CC2D2B: variants seen among roughly 807,000 people sequenced by gnomAD.
The protein encoded by CC2D2B is protein CC2D2B.
A neutral mutation model predicts 161.2 loss-of-function variants in CC2D2B; 128 were observed. The observed-to-expected ratio is 0.79, with a 90% confidence interval of 0.69 to 0.92. The LOEUF (loss-of-function observed/expected upper bound fraction) is 0.92, where lower values mean the gene tolerates loss of function less well. CC2D2B is among the 40% of genes least tolerant of loss of function. The pLI, the probability that CC2D2B is intolerant of heterozygous loss-of-function variation, is 0.00. For synonymous variants in CC2D2B, 391 were observed against 449.8 expected, an observed-to-expected ratio of 0.87 and a Z score of 1.65; for missense variants, 1,173 against 1,375.1, an observed-to-expected ratio of 0.85 and a Z score of 2.32.
chr10:96,001,079 A>G (rs534025762), intron 24 of CC2D2B, among the ~76,000 whole-genome samples: 14 of 152,312 alleles, frequency 9.2e-5, no homozygotes, highest in Non-Finnish European at 1.9e-4. Flanking sequence ...GGAATAAAAC[A>G]GATATAGACT....
intron 6 of CC2D2B, among the ~76,000 whole-genome samples, chr10:95,930,804 T>A (rs2098548693): frequency 6.6e-6 from 1 of 152,188 alleles, no homozygotes; most frequent in Non-Finnish European, 1.5e-5. Context: ...TTATTGAGGA[T>A]TTTTGCATCG....
chr10:95,919,937 C>A (rs2098523488), intron 2 of CC2D2B: 1 of 151,842 alleles, frequency 6.6e-6, no homozygotes, highest in Non-Finnish European at 1.5e-5. Context: ...TGCTTATGGG[C>A]ACCACTGCAC....
In CC2D2B at chr10:96,012,700, A is replaced by G; in HGVS notation, c.3397A>G (p.Ile1133Val). ...ALNPPQQLLD[I>V]FLHNSNATFD... ...AAATCCACCTCAGCAACTTCTGGAT[A>G]TATTTCTTCACAATTCTAATGCAAC... The change falls in exon 28 of 35, where the codon ATA (isoleucine) becomes GTA (valine). Residue 1133 changes from isoleucine (I) to valine (V), a missense_variant. Coordinates refer to ENST00000646931, the MANE Select transcript of CC2D2B (RefSeq NM_001349008.3). The G allele has an allele frequency of 6.2e-7, 1 of 1,603,248 alleles. No individual in the cohort carries two copies. The highest frequency in any genetic ancestry group is 8.5e-7 in the Non-Finnish European group (1 of 1,170,332).
intron 1 of CC2D2B, among the ~76,000 whole-genome samples, chr10:95,909,581 A>G (rs534797589): frequency 1.3e-5 from 2 of 152,232 alleles, no homozygotes; most frequent in Non-Finnish European, 2.9e-5. Flanking sequence ...GCATTAATAC[A>G]TTTAGAAATA....
chr10:96,015,524 C>CT (rs1424266397), intron 29 of CC2D2B, among the ~76,000 whole-genome samples: 1 of 151,282 alleles, frequency 6.6e-6, no homozygotes, highest in African/African-American at 2.4e-5. Context: ...AATGTTCTCT[C>CT]TTTTTTTGAC....
At chr10:95,926,822 G>GTGTGTGTGTGTGTC (rs2098539517) in intron 5 of CC2D2B, among the ~76,000 whole-genome samples, 2 of 128,752 alleles carry the variant, frequency 1.6e-5, no homozygotes, top group Non-Finnish European at 3.5e-5. Context: ...GGCAGTGTGT[G>GTGTGTGTGTGTGTC]TGTGTGTGTG....
At position 96,009,832 on chromosome 10, in the gene CC2D2B, GT is replaced by G; in HGVS notation, c.2955del (p.Leu986SerfsTer10). ...AATTATTTATTTTCATAGGATCACT[GT>G]CTCAAGAGCTGTAGTGGTCACTCAT... ...EMMTEKHEDHCLKSCSGHSYI... is the reference protein window; with the variant it reads ...EMMTEKHEDHXLKSCSGHSYI... On this transcript the variant is annotated frameshift_variant, in exon 26 of 35. Coordinates refer to ENST00000646931, the MANE Select transcript of CC2D2B (RefSeq NM_001349008.3). LOFTEE classifies it high-confidence loss of function. The G allele has an allele frequency of 6.5e-7, 1 of 1,532,824 alleles. No homozygotes were observed. The highest frequency in any genetic ancestry group is 8.9e-7 in the Non-Finnish European group (1 of 1,127,528). 95.0% of individuals were successfully genotyped at this position (1,532,824 alleles called of 1,614,324 possible). A position where few individuals can be genotyped will look rare whatever the true frequency, so the allele number is the denominator to read the frequency against.
At position 95,983,608 on chromosome 10, in the gene CC2D2B, C is replaced by T. The variant is rs2141606345; in HGVS notation, c.2085C>T (p.Tyr695=). The change falls in exon 19 of 35, where the codon TAC becomes TAT. Residue 695 remains tyrosine, a splice_region_variant and synonymous_variant. Transcript: ENST00000646931. ...ACTAAAGACTTTGCGTTTTACAGTA[C>T]ATGAGACTTAAGGGGCAGGATATTC... ...EYSDLMESVT[Y]MRLKGQDIPK... 1 of 1,225,642 alleles carries T rather than the reference C, an allele frequency of 8.2e-7. No individual in the cohort carries two copies. The highest frequency in any genetic ancestry group is 3.2e-5 in the East Asian group (1 of 31,608). The allele number at this position is 1,225,642 out of a possible 1,614,324, so 75.9% of individuals were successfully genotyped here.
intron 11 of CC2D2B, among the ~76,000 whole-genome samples, chr10:95,959,840 T>C (rs1347096726): frequency 6.6e-6 from 1 of 152,194 alleles, no homozygotes; most frequent in Non-Finnish European, 1.5e-5. Flanking sequence ...TAAAACAGTA[T>C]GTTACTTCAG....
chr10:95,950,854 C>T (rs916151409), intron 10 of CC2D2B, among the ~76,000 whole-genome samples: 2 of 151,780 alleles, frequency 1.3e-5, no homozygotes, highest in African/African-American at 2.4e-5. Flanking sequence ...GAGTCTTGCT[C>T]TGTCGCCGAG....
At chr10:95,935,340 A>G (rs7908420) in intron 6 of CC2D2B, among the ~76,000 whole-genome samples, 89,714 of 152,024 alleles carry the variant, frequency 0.59, 27,088 homozygotes, top group African/African-American at 0.66. Context: ...TATCAGACCC[A>G]CTTTTCACCA....
In CC2D2B at chr10:95,976,822, C is replaced by T. The variant is rs112322847; in HGVS notation, c.1943+2666C>T. Among the ~76,000 whole-genome samples the T allele has an allele frequency of 7.3e-3, 1,112 of 152,310 alleles. 9 individuals are homozygous for T. Among genetic ancestry groups the T allele is most frequent in the Non-Finnish European group, 0.013 (865 of 68,026 alleles). ...GGAGTGCAATGGTGCAATCTCGGCT[C>T]ACTGCAACCTCTGCCTCCCTGGTTC... On this transcript the variant is annotated intron_variant, in intron 17 of 34. Transcript: ENST00000646931.
At chr10:96,019,137 A>C in intron 30 of CC2D2B, 66 bp from the exon 31 acceptor site, 4 of 1,309,478 alleles carry the variant, frequency 3.1e-6, no homozygotes, top group Non-Finnish European at 4.2e-6. Context: ...GAATCATCAC[A>C]GTATAATTTC....
At chr10:96,010,572 T>C (rs553032722) in intron 26 of CC2D2B, among the ~76,000 whole-genome samples, 56 of 152,290 alleles carry the variant, frequency 3.7e-4, no homozygotes, top group African/African-American at 1.3e-3. Context: ...AGTGCTTTAA[T>C]AGAGGTATGA....
chr10:95,949,503 G>A (rs2076325527), intron 9 of CC2D2B, among the ~76,000 whole-genome samples: 1 of 108,762 alleles, frequency 9.2e-6, no homozygotes, highest in Non-Finnish European at 1.8e-5. Context: ...TCTGGGGACT[G>A]TGGTGGGGTC....
chr10:96,015,501 A>T (rs2079159207), intron 29 of CC2D2B, among the ~76,000 whole-genome samples: 1 of 151,218 alleles, frequency 6.6e-6, no homozygotes, highest in African/African-American at 2.4e-5. Context: ...AGAAATCCAG[A>T]GTTTTCTAAG....
At chr10:96,027,856 C>T (rs899225458) in intron 34 of CC2D2B, among the ~76,000 whole-genome samples, 1 of 152,146 alleles carries the variant, frequency 6.6e-6, no homozygotes, top group Non-Finnish European at 1.5e-5. Flanking sequence ...AACTCATTTT[C>T]AGCAAAGGCC....
chr10:95,981,763 A>G (rs2077540164), intron 17 of CC2D2B, among the ~76,000 whole-genome samples: 1 of 152,232 alleles, frequency 6.6e-6, no homozygotes, highest in South Asian at 2.1e-4. Context: ...TCTTATAAAC[A>G]TTTATCAAAA....
chr10:95,972,107 A>G lies in CC2D2B; in HGVS notation c.1686A>G (p.Leu562=), dbSNP rs1488896824. Residue 562 remains leucine, a synonymous_variant, in exon 16 of 35, where the codon CTA becomes CTG. Transcript: ENST00000646931. ...KSKRTSLLAK[L]YIPLPNYTEL... ...AAAGGACAAGCTTACTGGCAAAACTATATATACCTTTACCTAACTACACAG... is the reference window on the plus strand; with the variant it reads ...AAAGGACAAGCTTACTGGCAAAACTGTATATACCTTTACCTAACTACACAG... The G allele has an allele frequency of 8.1e-7, 1 of 1,230,586 alleles. No individual in the cohort carries two copies. Among genetic ancestry groups the G allele is most frequent in the Non-Finnish European group, 1.0e-6 (1 of 986,562 alleles). The allele number at this position is 1,230,586 out of a possible 1,614,324, so 76.2% of individuals were successfully genotyped here.
Sources: gnomAD v4.1 joint callset for allele counts (sites outside exome capture counted in the v4.1 genomes callset) on GRCh38, gnomAD v4.1.1 for gene constraint, MANE v1.5 for transcripts, NCBI Gene and HGNC (gene_info 2026-07-23, HGNC 2026-07-21) for gene names.